The following EBF1 variants were observed in gnomAD, a reference collection of about 807,000 sequenced individuals.
The protein encoded by EBF1 is transcription factor COE1.
EBF1 carries 10 observed loss-of-function variants against 68.4 expected under a neutral mutation model. The observed-to-expected ratio is 0.15, with a 90% CI of 0.09 to 0.25. EBF1 has a LOEUF of 0.25. Among genes scored for constraint, EBF1 ranks in the 10% least tolerant of loss-of-function variants. The probability of loss-of-function intolerance (pLI) is 1.00; values close to 1 mark genes in which losing one functional copy is unlikely to be tolerated. For missense variants in EBF1, 509 were observed against 794.4 expected (o/e 0.64, Z 4.32); for synonymous variants, 298 against 299.8 (o/e 0.99, Z 0.06).
chr5:158,817,351 C>T (rs1208504081), intron 8 of EBF1, among the ~76,000 whole-genome samples: 10 of 152,172 alleles, frequency 6.6e-5, no homozygotes, highest in South Asian at 2.1e-4. Context: ...AACAGTATTA[C>T]GAGGTAGGAC....
chr5:158,899,565 G>C (rs1802859996), intron 6 of EBF1, among the ~76,000 whole-genome samples: 1 of 152,180 alleles, frequency 6.6e-6, no homozygotes, highest in South Asian at 2.1e-4. Context: ...GATCTGCTTT[G>C]GCCAAAATCA....
At chr5:158,803,642 G>A (rs1353694374) in intron 8 of EBF1, among the ~76,000 whole-genome samples, 2 of 151,918 alleles carry the variant, frequency 1.3e-5, no homozygotes, top group Non-Finnish European at 2.9e-5. Flanking sequence ...CTTTCAGAAT[G>A]CTAACTCCAA....
At chr5:158,979,978 G>GT (rs746497033) in intron 6 of EBF1, among the ~76,000 whole-genome samples, 1 of 151,914 alleles carries the variant, frequency 6.6e-6, no homozygotes, top group Non-Finnish European at 1.5e-5. Context: ...GGAGTGTTTT[G>GT]TTTTTTGTTT....
intron 14 of EBF1, among the ~76,000 whole-genome samples, chr5:158,710,910 G>A (rs753202015): frequency 9.2e-5 from 14 of 152,224 alleles, no homozygotes; most frequent in Admixed American, 1.3e-4. Flanking sequence ...AGAGTCACTC[G>A]CAATGTCCAA....
chr5:159,051,430 G>GCCCCCCAC (rs1467926418), intron 6 of EBF1, among the ~76,000 whole-genome samples: 2 of 80,494 alleles, frequency 2.5e-5, no homozygotes, highest in Admixed American at 1.6e-4. Flanking sequence ...CGCTCCCGCA[G>GCCCCCCAC]CCCCCCACCC....
chr5:158,943,765 G>T (rs188619882), intron 6 of EBF1, among the ~76,000 whole-genome samples: 54 of 152,272 alleles, frequency 3.5e-4, no homozygotes, highest in African/African-American at 1.3e-3. Context: ...GGCAGGGGGC[G>T]CCAGGGACCC....
chr5:158,904,253 A>G (rs1804074061), intron 6 of EBF1, among the ~76,000 whole-genome samples: 1 of 152,186 alleles, frequency 6.6e-6, no homozygotes, highest in Non-Finnish European at 1.5e-5. Context: ...TGCCTGCTTG[A>G]GAGGGGGACC....
At chr5:159,098,452 AAGAC>A (rs1243387614) in intron 1 of EBF1, among the ~76,000 whole-genome samples, 4 of 152,120 alleles carry the variant, frequency 2.6e-5, no homozygotes, top group Admixed American at 6.6e-5. Flanking sequence ...AAAAAACTGA[AAGAC>A]AGAGAGGGAG....
intron 4 of EBF1, among the ~76,000 whole-genome samples, chr5:159,092,828 C>A (rs770847840): frequency 2.6e-5 from 4 of 151,970 alleles, no homozygotes; most frequent in Admixed American, 6.5e-5. Context: ...CTTATCAGAC[C>A]AGAAGTGTTT....
chr5:158,900,116 G>A (rs759003411), intron 6 of EBF1, among the ~76,000 whole-genome samples: 29 of 152,174 alleles, frequency 1.9e-4, no homozygotes, highest in African/African-American at 4.8e-4. Context: ...TCCTCCTACC[G>A]CTGCAGGAAA....
chr5:159,049,177 T>C lies in EBF1; in HGVS notation c.554+24219A>G, dbSNP rs145437538. Among the ~76,000 whole-genome samples, 1,067 of 152,356 alleles carry C rather than the reference T, an allele frequency of 7.0e-3. 6 individuals are homozygous for C. The highest frequency in any genetic ancestry group is 0.011 in the Non-Finnish European group (719 of 68,036). On this transcript the variant is annotated intron_variant, in intron 6 of 15. Coordinates refer to ENST00000313708, the MANE Select transcript of EBF1 (RefSeq NM_024007.5). ...GAACAGTAAAGGGGAAAAAAGCTTCTGATTTAAAGCTAAACATACACAGCT... is the reference window on the plus strand; with the variant it reads ...GAACAGTAAAGGGGAAAAAAGCTTCCGATTTAAAGCTAAACATACACAGCT...
intron 9 of EBF1, among the ~76,000 whole-genome samples, chr5:158,785,431 T>G (rs1275049477): frequency 6.6e-6 from 1 of 152,194 alleles, no homozygotes; most frequent in Admixed American, 6.5e-5. Context: ...ACCACATAAA[T>G]CAGGGGATGC....
intron 6 of EBF1, among the ~76,000 whole-genome samples, chr5:159,047,138 C>T (rs906507626): frequency 1.3e-5 from 2 of 152,148 alleles, no homozygotes; most frequent in African/African-American, 4.8e-5. Context: ...CTTAGAGCAT[C>T]CTATGCTGGG....
rs571757878 is a variant in EBF1 at position 158,797,681 on chromosome 5, C to T, written c.779-1206G>A. Among the ~76,000 whole-genome samples, 8 of 152,286 alleles carry T rather than the reference C, an allele frequency of 5.3e-5. No homozygotes were observed. The East Asian group carries it at 5.8e-4, about 11-fold the overall frequency. On this transcript the variant is annotated intron_variant, in intron 8 of 15. Transcript: ENST00000313708. ...TCCAGCCCGGTGGGACCATTGCTCA[C>T]GTGCCACCACACAAACAAATAGAAT...
At chr5:158,991,966 T>C (rs1760414972) in intron 6 of EBF1, among the ~76,000 whole-genome samples, 1 of 152,140 alleles carries the variant, frequency 6.6e-6, no homozygotes, top group Non-Finnish European at 1.5e-5. Context: ...ACTCACCAAC[T>C]TCCCAAGACT....
At chr5:159,018,053 A>G (rs1236156623) in intron 6 of EBF1, among the ~76,000 whole-genome samples, 1 of 151,578 alleles carries the variant, frequency 6.6e-6, no homozygotes, top group Non-Finnish European at 1.5e-5. Context: ...GCCCCTCCCA[A>G]CACCTCCCAT....
At chr5:158,721,731 T>C (rs1761973909) in intron 11 of EBF1, among the ~76,000 whole-genome samples, 1 of 152,198 alleles carries the variant, frequency 6.6e-6, no homozygotes, top group South Asian at 2.1e-4. Flanking sequence ...ATAACTAAGC[T>C]TGGGCTCCAT....
intron 6 of EBF1, among the ~76,000 whole-genome samples, chr5:158,964,399 G>A (rs763226068): frequency 2.0e-5 from 3 of 152,090 alleles, no homozygotes; most frequent in Non-Finnish European, 4.4e-5. Context: ...CGTGTAGACA[G>A]CAAACCGAGT....
At chr5:158,963,088 C>T (rs115739339) in intron 6 of EBF1, among the ~76,000 whole-genome samples, 98 of 152,332 alleles carry the variant, frequency 6.4e-4, no homozygotes, top group Non-Finnish European at 1.1e-3. Context: ...CACGTATCTC[C>T]TTAACTTCTT....
Sources: allele counts gnomAD v4.1 joint callset (sites outside exome capture counted in the v4.1 genomes callset), GRCh38; gene constraint gnomAD v4.1.1; transcripts MANE v1.5; gene names NCBI Gene and HGNC (gene_info 2026-07-23, HGNC 2026-07-21).